Variants in MUC5B observed in about 807,000 individuals in gnomAD.
MUC5B encodes mucin 5B, oligomeric mucus/gel-forming.
Under a neutral mutation model 376.9 loss-of-function variants are expected in MUC5B, and 116 were observed. The ratio of observed to expected loss-of-function variants is 0.31; its 90% confidence interval spans 0.26 to 0.36. The LOEUF (loss-of-function observed/expected upper bound fraction) is 0.36, where lower values mean the gene tolerates loss of function less well. MUC5B is among the 10% of genes least tolerant of loss of function. The pLI is 1.00. For missense variants in MUC5B, 7,165 were observed against 7,769.9 expected, an observed-to-expected ratio of 0.92 and a Z score of 2.93; for synonymous variants, 3,517 against 3,390.9, an observed-to-expected ratio of 1.04 and a Z score of -1.29.
Position 1,232,178 on chromosome 11 carries a change from C to A in MUC5B, c.1843+18C>A. 1.3e-6 allele frequency: 2 copies of A among 1,570,326 alleles called. No homozygotes were observed. The highest frequency in any genetic ancestry group is 1.7e-6 in the Non-Finnish European group (2 of 1,156,192). ...GGAGAATGGTACTCCTCGCCCCCAC[C>A]CCCACAGTCACCCCAGGCTCAAGTC... On this transcript the variant is annotated intron_variant, in intron 15 of 48. Coordinates refer to ENST00000529681, the MANE Select transcript of MUC5B (RefSeq NM_002458.3).
chr11:1,251,862 C>G (rs998609262), intron 31 of MUC5B, 119 bp downstream of exon 31: 2 of 765,814 alleles, frequency 2.6e-6, no homozygotes, highest in Non-Finnish European at 4.1e-6. Context: ...CCCCACTGGC[C>G]TCACTTGGCC....
In MUC5B at chr11:1,226,865, C is replaced by A. The variant is rs545375302; in HGVS notation, c.450C>A (p.Ile150=). ...VLEASNGSVL[I]NGQREELPYS... ...AGGCGTCCAACGGCTCCGTCCTCAT[C>A]AATGGGCAGCGGTGAGCCGGCCACC... is the stretch of plus-strand genomic sequence containing the variant. Residue 150 remains isoleucine, a synonymous_variant, in exon 4 of 49, where the codon ATC becomes ATA. Coordinates refer to ENST00000529681, the MANE Select transcript of MUC5B (RefSeq NM_002458.3). 1 of 1,605,636 alleles carries A rather than the reference C, an allele frequency of 6.2e-7. No individual in the cohort carries two copies. The highest frequency in any genetic ancestry group is 8.5e-7 in the Non-Finnish European group (1 of 1,179,160).
intron 25 of MUC5B, 42 bp from the exon 26 acceptor site, chr11:1,238,829 G>A (rs1482820938): frequency 3.3e-6 from 5 of 1,534,168 alleles, no homozygotes; most frequent in South Asian, 1.2e-5. Flanking sequence ...TGGCCGGGGG[G>A]GCCATTGTCC....
rs1233310492 is a variant in MUC5B, at chr11:1,226,626, G to A, written c.211G>A (p.Ala71Thr). 6.2e-7 allele frequency: 1 copy of A among 1,610,284 alleles called. No individual in the cohort carries two copies. The highest frequency in any genetic ancestry group is 1.7e-5 in the Admixed American group (1 of 59,770). Reference protein sequence around the residue: ...VFPSLSPLNPAHNGRVCSTWG... With the variant: ...VFPSLSPLNPTHNGRVCSTWG... ...CGCGCTCCCCACAGCCCTGAACCCG[G>A]CGCACAATGGGCGGGTGTGCAGCAC... is the stretch of plus-strand genomic sequence containing the variant. Residue 71 changes from alanine to threonine, a missense_variant, in exon 4 of 49, where the codon GCG becomes ACG. By Grantham distance (58) the Ala-to-Thr change is moderately conservative. Transcript: ENST00000529681.
intron 25 of MUC5B, among the ~76,000 whole-genome samples, chr11:1,237,699 G>C (rs1180027744): frequency 6.6e-6 from 1 of 152,072 alleles, no homozygotes; most frequent in African/African-American, 2.4e-5. Flanking sequence ...GCGAAACCCC[G>C]TCTCTACAAA....
chr11:1,259,647 A>G, intron 44 of MUC5B, 109 bp from the exon 45 acceptor site: 1 of 1,106,044 alleles, frequency 9.0e-7, no homozygotes, highest in South Asian at 1.4e-5. Context: ...CCAGGCAGGG[A>G]CAGGGCTAAG....
chr11:1,254,125 C>T lies in MUC5B; in HGVS notation c.15251C>T (p.Ser5084Phe). 6.2e-7 allele frequency: 1 copy of T among 1,612,706 alleles called. No homozygotes were observed. Among genetic ancestry groups the T allele is most frequent in the Non-Finnish European group, 8.5e-7 (1 of 1,179,812 alleles). ...ICSMWGGSHY[S>F]TFDGTSYTFR... ...AGCATGTGGGGCGGCTCCCACTATT[C>T]CACCTTTGACGGCACCTCTTACACC... is the stretch of plus-strand genomic sequence containing the variant. The change falls in exon 34 of 49, where the codon TCC becomes TTC. Residue 5084 changes from serine to phenylalanine, a missense_variant. Ser to Phe is a radical substitution (Grantham distance 155, BLOSUM62 -2). Coordinates refer to ENST00000529681, the MANE Select transcript of MUC5B (RefSeq NM_002458.3).
intron 38 of MUC5B, 29 bp downstream of exon 38, chr11:1,256,254 C>A: frequency 1.4e-6 from 1 of 717,980 alleles, no homozygotes; most frequent in East Asian, 2.7e-5. Context: ...GGTGCCTTCC[C>A]TGCCACCCAG....
Position 1,257,662 on chromosome 11 carries a change from G to A in MUC5B, c.16402G>A (p.Val5468Met), listed in dbSNP as rs201276106. The A allele has an allele frequency of 5.0e-5, 79 of 1,587,386 alleles. No individual in the cohort carries two copies. Among genetic ancestry groups the A allele is most frequent in the Non-Finnish European group, 6.2e-5 (73 of 1,173,784 alleles). The change falls in exon 41 of 49, where the codon GTG becomes ATG. Residue 5468 changes from valine to methionine, a missense_variant. Val to Met is a conservative substitution (Grantham distance 21, BLOSUM62 1). This residue lies in a region of MUC5B where 842 missense variants were observed against 1,016.9 expected (regional missense o/e 0.83). Transcript: ENST00000529681. The surrounding 1 kb of genome is among the most constrained non-coding windows in gnomAD (Gnocchi z 8.9). ...PPCNRPGFVTVTRPRAENPCC... is the reference protein window; with the variant it reads ...PPCNRPGFVTMTRPRAENPCC... Reference sequence around the variant, plus strand: ...GTGCAACCGTCCCGGCTTCGTAACCGTGACCAGGCCCCGGGCCGAGAACCC... The same window carrying A: ...GTGCAACCGTCCCGGCTTCGTAACCATGACCAGGCCCCGGGCCGAGAACCC...
In MUC5B at chr11:1,237,044, C is replaced by A. The variant is rs747607630; in HGVS notation, c.3177C>A (p.Pro1059=). The change falls in exon 25 of 49, where the codon CCC becomes CCA. Residue 1059 remains proline, a synonymous_variant. Transcript: ENST00000529681. The part of the protein sequence containing the change: ...LEFGNSWKLS[P]SCPDALAPKD... ...TTGGGAACAGCTGGAAGCTCTCCCC[C>A]TCCTGCCCGGACGCCCTGGCACCCA... is the stretch of plus-strand genomic sequence containing the variant. 3 of 1,581,228 alleles carry A rather than the reference C, an allele frequency of 1.9e-6. No individual in the cohort carries two copies. The highest frequency in any genetic ancestry group is 1.2e-5 in the South Asian group (1 of 86,366).
At chr11:1,232,366 C>T (rs533210677) in intron 15 of MUC5B, 84 bp from the exon 16 acceptor site, 60 of 1,463,644 alleles carry the variant, frequency 4.1e-5, no homozygotes, top group South Asian at 3.4e-4. Context: ...CACTGTTCCC[C>T]GGGCTGAGGG....
At chr11:1,256,812 G>A (rs745371008) in intron 39 of MUC5B, 41 bp downstream of exon 39, 61 of 1,468,098 alleles carry the variant, frequency 4.2e-5, no homozygotes, top group South Asian at 1.4e-4. Context: ...CCCTGGGCCC[G>A]ACCCAAGCAC....
chr11:1,227,205 G>T (rs1861909076), intron 5 of MUC5B, 60 bp downstream of exon 5: 3 of 1,579,510 alleles, frequency 1.9e-6, no homozygotes, highest in Admixed American at 1.7e-5. Context: ...CCCACCGGGG[G>T]TCGAGGGATG....
At position 1,240,844 on chromosome 11, in the gene MUC5B, C is replaced by T. The variant is rs746168352; in HGVS notation, c.3971-7C>T. 1.0e-5 allele frequency: 16 copies of T among 1,601,776 alleles called. No individual in the cohort carries two copies. In the East Asian group the frequency reaches 3.4e-4, roughly 34 times the overall value. On this transcript the variant is annotated splice_region_variant and splice_polypyrimidine_tract_variant and intron_variant, in intron 30 of 48. Transcript: ENST00000529681. Reference sequence around the variant, plus strand: ...GAGCCAGGACCCCTTTCCCATGCCCCTTGCAGGCCCGGCCCTCCCGGTCTC... The same window carrying T: ...GAGCCAGGACCCCTTTCCCATGCCCTTTGCAGGCCCGGCCCTCCCGGTCTC...
rs1861905670 is a variant in MUC5B, at chr11:1,227,130, A to G, written c.561A>G (p.Gly187=). The part of the protein sequence containing the change: ...IRLVLTFLWN[G]EDSALLELDP... ...TGGTGCTGACATTCCTGTGGAACGGAGAGGACAGTGCCCTGGTGAGGAAGC... is the reference window on the plus strand; with the variant it reads ...TGGTGCTGACATTCCTGTGGAACGGGGAGGACAGTGCCCTGGTGAGGAAGC... Residue 187 remains glycine, a synonymous_variant, in exon 5 of 49, where the codon GGA becomes GGG. Transcript: ENST00000529681. 1 of 1,611,986 alleles carries G rather than the reference A, an allele frequency of 6.2e-7. No individual in the cohort carries two copies.
Position 1,243,801 on chromosome 11 carries a change from C to T in MUC5B, c.6921C>T (p.Thr2307=). The part of the protein sequence containing the change: ...LPSSPTSAPI[T]TVVTMGCEPQ... ...GCAGCCCCACATCGGCCCCCATAAC[C>T]ACGGTGGTGACCATGGGCTGTGAGC... Residue 2307 remains threonine, a synonymous_variant, in exon 31 of 49, where the codon ACC becomes ACT. Transcript: ENST00000529681. 2 of 1,611,686 alleles carry T rather than the reference C, an allele frequency of 1.2e-6. No individual in the cohort carries two copies. The highest frequency in any genetic ancestry group is 1.7e-6 in the Non-Finnish European group (2 of 1,179,642).
At chr11:1,226,175 G>A (rs1000075551) in intron 2 of MUC5B, 30 bp from the exon 3 acceptor site, 7 of 1,530,650 alleles carry the variant, frequency 4.6e-6, no homozygotes, top group East Asian at 2.5e-5. Flanking sequence ...TCCTGGCCAC[G>A]TTCCTGGGGT....
At position 1,243,363 on chromosome 11, in the gene MUC5B, G is replaced by A; in HGVS notation, c.6483G>A (p.Val2161=). 6.4e-7 allele frequency: 1 copy of A among 1,556,648 alleles called. No individual in the cohort carries two copies. The highest frequency in any genetic ancestry group is 8.7e-7 in the Non-Finnish European group (1 of 1,150,800). Residue 2161 remains valine (V), a synonymous_variant, in exon 31 of 49, where the codon GTG becomes GTA. Transcript: ENST00000529681. ...CTGGGACAACTCCCATCCCCCCAGT[G>A]CTGACCACCACCGCCACCACACCTG... ...STPGTTPIPP[V]LTTTATTPAA...
At chr11:1,256,463 G>GGCCCCC in intron 38 of MUC5B, 1 of 505,908 alleles carries the variant, frequency 2.0e-6, no homozygotes, top group Non-Finnish European at 3.5e-6. Flanking sequence ...CCGCCACCGA[G>GGCCCCC]CCCCACCCAT....
Sources: allele counts gnomAD v4.1 joint callset (sites outside exome capture counted in the v4.1 genomes callset), GRCh38; gene constraint gnomAD v4.1.1; regional missense constraint gnomAD v4.1.1; non-coding constraint Gnocchi (gnomAD v3.1); transcripts MANE v1.5; gene names NCBI Gene and HGNC (gene_info 2026-07-23, HGNC 2026-07-21).